RORB: variants seen among roughly 807,000 people sequenced by gnomAD.
RORB encodes nuclear receptor ROR-beta.
Under a neutral mutation model 59.1 loss-of-function variants are expected in RORB, and 6 were observed. The ratio of observed to expected loss-of-function variants is 0.10; its 90% CI spans 0.06 to 0.20. The LOEUF (loss-of-function observed/expected upper bound fraction) is 0.20, where lower values mean the gene tolerates loss of function less well. RORB is among the 10% of genes least tolerant of loss of function. The pLI, the probability that RORB is intolerant of heterozygous loss-of-function variation, is 1.00. For synonymous variants in RORB, 215 were observed against 204.5 expected (o/e 1.05, Z -0.44); for missense variants, 320 against 560.5 (o/e 0.57, Z 4.33).
intron 1 of RORB, among the ~76,000 whole-genome samples, chr9:74,596,295 T>C (rs577618729): frequency 6.6e-6 from 1 of 152,200 alleles, no homozygotes; most frequent in East Asian, 1.9e-4. Flanking sequence ...AAGCATTTTT[T>C]AGAAAAGAGA....
Position 74,622,324 on chromosome 9 carries a change from AT to A in RORB, c.8-7957del, listed in dbSNP as rs541295036. 7.2e-5 allele frequency among the ~76,000 whole-genome samples: 11 copies of A among 152,276 alleles called. No individual in the cohort carries two copies. The East Asian group carries it at 2.1e-3, about 29-fold the overall frequency. On this transcript the variant is annotated intron_variant, in intron 1 of 9. Coordinates refer to ENST00000376896, the MANE Select transcript of RORB (RefSeq NM_006914.4). ...TTCTGTTTCTTCTTTTCATAACTGG[AT>A]AAAATGAGCTATCAAGTAGAGTACA...
At chr9:74,579,252 T>A (rs1822683374) in intron 1 of RORB, among the ~76,000 whole-genome samples, 1 of 152,134 alleles carries the variant, frequency 6.6e-6, no homozygotes, top group Admixed American at 6.6e-5. Context: ...AGATATTAAG[T>A]GCTGGACAGT....
In RORB at chr9:74,630,316, C is replaced by T. The variant is rs375934653; in HGVS notation, c.42C>T (p.Gly14=). ...AAGTGATACCATGCAAAATTTGTGG[C>T]GATAAGTCCTCTGGGATCCACTACG... is the stretch of plus-strand genomic sequence containing the variant. ...QIEVIPCKIC[G]DKSSGIHYGV... is the part of the protein sequence containing the mutation. The change falls in exon 2 of 10, where the codon GGC becomes GGT. Residue 14 remains glycine, a synonymous_variant. Coordinates refer to ENST00000376896, the MANE Select transcript of RORB (RefSeq NM_006914.4). 8.7e-6 allele frequency: 14 copies of T among 1,612,922 alleles called. No homozygotes were observed. In the African/African-American group the frequency reaches 1.1e-4, roughly 12 times the overall value.
chr9:74,677,801 A>G (rs2118562854), intron 9 of RORB, among the ~76,000 whole-genome samples: 2 of 152,364 alleles, frequency 1.3e-5, no homozygotes, highest in East Asian at 3.9e-4. Context: ...ACAACATCAT[A>G]GCCACAGCTT....
At chr9:74,658,953 C>A (rs1824134808) in intron 4 of RORB, among the ~76,000 whole-genome samples, 1 of 152,160 alleles carries the variant, frequency 6.6e-6, no homozygotes, top group South Asian at 2.1e-4. Flanking sequence ...CATTTGGTAG[C>A]ATCTTCTACA....
chr9:74,618,131 G>A (rs983539606), intron 1 of RORB, among the ~76,000 whole-genome samples: 12 of 151,074 alleles, frequency 7.9e-5, no homozygotes, highest in African/African-American at 2.4e-4. Flanking sequence ...ACACACAGAC[G>A]CACACACACA....
chr9:74,607,807 A>G (rs1823171283), intron 1 of RORB, among the ~76,000 whole-genome samples: 1 of 152,198 alleles, frequency 6.6e-6, no homozygotes, highest in Non-Finnish European at 1.5e-5. Context: ...ACCAGAAATT[A>G]AGTAATGACA....
chr9:74,498,003 C>A lies in RORB; in HGVS notation c.7+20C>A, dbSNP rs113780851. On this transcript the variant is annotated intron_variant, in intron 1 of 9. Coordinates refer to ENST00000376896, the MANE Select transcript of RORB (RefSeq NM_006914.4). ...TGCGAGGTAAGCGAGTCTGCGGGCA[C>A]CGAGGCTCCCCGAGTCCGGCCAACT... The A allele has an allele frequency of 5.5e-4, 889 of 1,607,336 alleles. 2 individuals carry two copies. In the African/African-American group the frequency reaches 1.0e-2, roughly 18 times the overall value.
chr9:74,655,824 T>C (rs1466132049), intron 4 of RORB, among the ~76,000 whole-genome samples: 1 of 152,218 alleles, frequency 6.6e-6, no homozygotes, highest in African/African-American at 2.4e-5. Flanking sequence ...AGTCTAGCTG[T>C]ACCGCGTCTT....
At chr9:74,593,369 G>A (rs1365429420) in intron 1 of RORB, among the ~76,000 whole-genome samples, 2 of 151,130 alleles carry the variant, frequency 1.3e-5, no homozygotes, top group South Asian at 2.1e-4. Context: ...GGGAGGCTGA[G>A]GAATGAGAAT....
intron 1 of RORB, among the ~76,000 whole-genome samples, chr9:74,540,260 T>C (rs1485534867): frequency 1.3e-5 from 2 of 152,180 alleles, no homozygotes; most frequent in African/African-American, 2.4e-5. Flanking sequence ...CTCTGCTCAC[T>C]CTGTGCCCCA....
intron 9 of RORB, among the ~76,000 whole-genome samples, chr9:74,680,059 T>C (rs1172554933): frequency 6.6e-6 from 1 of 152,126 alleles, no homozygotes; most frequent in East Asian, 1.9e-4. Flanking sequence ...GCCGAAATCA[T>C]ACCACTGCAT....
chr9:74,634,027 A>G (rs949600700), intron 2 of RORB, among the ~76,000 whole-genome samples: 2 of 151,968 alleles, frequency 1.3e-5, no homozygotes, highest in African/African-American at 4.8e-5. Context: ...CCTGCCTGCA[A>G]ATAGCCACTG....
At chr9:74,637,210 C>G (rs1328621393) in intron 3 of RORB, among the ~76,000 whole-genome samples, 2 of 152,158 alleles carry the variant, frequency 1.3e-5, no homozygotes, top group Non-Finnish European at 2.9e-5. Flanking sequence ...AAAGTGGCAT[C>G]TTCATTTTGG....
At chr9:74,520,738 CT>C (rs976201585) in intron 1 of RORB, among the ~76,000 whole-genome samples, 14 of 150,806 alleles carry the variant, frequency 9.3e-5, no homozygotes, top group African/African-American at 2.9e-4. Context: ...CTGGGCCTGG[CT>C]TTTTTTTTCT....
chr9:74,674,696 G>T (rs1163110102), intron 9 of RORB, among the ~76,000 whole-genome samples: 2 of 152,162 alleles, frequency 1.3e-5, no homozygotes, highest in Admixed American at 1.3e-4. Flanking sequence ...TTAACTAGAA[G>T]ATTTCAATTC....
chr9:74,560,896 C>A (rs1822387695), intron 1 of RORB, among the ~76,000 whole-genome samples: 1 of 152,052 alleles, frequency 6.6e-6, no homozygotes, highest in Admixed American at 6.6e-5. Context: ...ATACTGTTTG[C>A]CTTCATTCTA....
chr9:74,638,508 G>T (rs1823741261), intron 3 of RORB, among the ~76,000 whole-genome samples: 1 of 152,098 alleles, frequency 6.6e-6, no homozygotes, highest in African/African-American at 2.4e-5. Context: ...TTAACAAAAG[G>T]CTGTCTTTAT....
chr9:74,638,821 A>G (rs185817487), intron 3 of RORB, among the ~76,000 whole-genome samples: 1 of 152,236 alleles, frequency 6.6e-6, no homozygotes, highest in South Asian at 2.1e-4. Flanking sequence ...AATGTTTCTG[A>G]AATAAATGGA....
Sources: gnomAD v4.1 joint callset for allele counts (sites outside exome capture counted in the v4.1 genomes callset) on GRCh38, gnomAD v4.1.1 for gene constraint, MANE v1.5 for transcripts, NCBI Gene and HGNC (gene_info 2026-07-23, HGNC 2026-07-21) for gene names.